The following PCDHA6 variants were observed in gnomAD, a reference collection of about 807,000 sequenced individuals.
The protein encoded by PCDHA6 is protocadherin alpha 6, also known as protocadherin alpha-6.
Under a neutral mutation model 60.3 loss-of-function variants are expected in PCDHA6, and 55 were observed. The ratio of observed to expected loss-of-function variants is 0.91; its 90% CI spans 0.73 to 1.14. The LOEUF is 1.14. PCDHA6 is among the 50% of genes most tolerant of loss of function. The probability of loss-of-function intolerance (pLI) is 0.00; values close to 1 mark genes in which losing one functional copy is unlikely to be tolerated. For synonymous variants in PCDHA6, 652 were observed against 557.9 expected (o/e 1.17, Z -2.38); for missense variants, 1,327 against 1,256.5 (o/e 1.06, Z -0.85).
chr5:140,928,798 G>A lies in PCDHA6; in HGVS notation c.2395-50151G>A, dbSNP rs1015507486. On this transcript the variant is annotated intron_variant, in intron 1 of 3. Transcript: ENST00000529310. ...TGATGCAGTTAAGCAGAGGGTGGTGGTAGTGGTTCGGGACCATGGAGACCC... is the reference window on the plus strand; with the variant it reads ...TGATGCAGTTAAGCAGAGGGTGGTGATAGTGGTTCGGGACCATGGAGACCC... 2.4e-5 allele frequency: 38 copies of A among 1,614,046 alleles called. No homozygotes were observed. Among genetic ancestry groups the A allele is most frequent in the Non-Finnish European group, 3.2e-5 (38 of 1,180,052 alleles).
At chr5:140,920,329 G>A (rs556077448) in intron 1 of PCDHA6, among the ~76,000 whole-genome samples, 8 of 152,080 alleles carry the variant, frequency 5.3e-5, no homozygotes, top group South Asian at 4.2e-4. Flanking sequence ...TATATTTATG[G>A]CATTTCTTAT....
chr5:140,850,370 G>A (rs141414972), intron 1 of PCDHA6: 2 of 1,597,812 alleles, frequency 1.3e-6, no homozygotes, highest in African/African-American at 2.7e-5. Context: ...TCCGCGTGGG[G>A]CTGTACACGG....
rs1554217734 is a variant in PCDHA6, at chr5:140,946,611, AATATATAT to A, written c.2395-32324_2395-32317del. Among the ~76,000 whole-genome samples, 24 of 86,806 alleles carry A rather than the reference AATATATAT, an allele frequency of 2.8e-4. 1 individual carries two copies. Among genetic ancestry groups the A allele is most frequent in the African/African-American group, 1.5e-3 (23 of 15,698 alleles). 56.9% of individuals were successfully genotyped at this position (86,806 alleles called of 152,430 possible). On this transcript the variant is annotated intron_variant, in intron 1 of 3. Coordinates refer to ENST00000529310, the MANE Select transcript of PCDHA6 (RefSeq NM_018909.4). ...GGATGAATAGATAAAGAAAATGTGA[AATATATAT>A]ATATATATATATACAATGGAATACT... is the stretch of plus-strand genomic sequence containing the variant.
At chr5:140,901,927 A>C (rs2068986448) in intron 1 of PCDHA6, among the ~76,000 whole-genome samples, 1 of 151,764 alleles carries the variant, frequency 6.6e-6, no homozygotes. Context: ...TCTTTGGTTA[A>C]TTCCTAGGTA....
Position 140,915,626 on chromosome 5 carries a change from G to GTCTCTCTC in PCDHA6, c.2395-63300_2395-63293dup, listed in dbSNP as rs57920489. Among the ~76,000 whole-genome samples the GTCTCTCTC allele has an allele frequency of 4.4e-3, 648 of 146,532 alleles. 6 individuals carry two copies. Among genetic ancestry groups the GTCTCTCTC allele is most frequent in the East Asian group, 0.011 (51 of 4,846 alleles). Reference sequence around the variant, plus strand: ...ACTTTCTGTCAAACAGTCTCTTTCTGTCTCTCTCTCTCTCTCTCTCTCTCT... The same window carrying GTCTCTCTC: ...ACTTTCTGTCAAACAGTCTCTTTCTGTCTCTCTCTCTCTCTCTCTCTCTCTCTCTCTCT... On this transcript the variant is annotated intron_variant, in intron 1 of 3. Transcript: ENST00000529310.
rs2150336569 is a variant in PCDHA6 at position 140,842,461 on chromosome 5, T to C, written c.2394+11976T>C. 48 of 1,613,688 alleles carry C rather than the reference T, an allele frequency of 3.0e-5. 1 individual carries two copies. Among genetic ancestry groups the C allele is most frequent in the Middle Eastern group, 3.3e-4 (2 of 6,082 alleles). On this transcript the variant is annotated intron_variant, in intron 1 of 3. Coordinates refer to ENST00000529310, the MANE Select transcript of PCDHA6 (RefSeq NM_018909.4). ...TTAGCGTGAACGACCTCGATTCAGG[T>C]GCCAACGGGCAGGTGACCTGCTCCC...
chr5:140,928,921 C>A (rs782289381), intron 1 of PCDHA6: 1 of 1,614,116 alleles, frequency 6.2e-7, no homozygotes, highest in Non-Finnish European at 8.5e-7. Flanking sequence ...AGGAGGGCAG[C>A]TTTCTGCCCA....
chr5:140,870,944 CG>C, intron 1 of PCDHA6: 1 of 1,613,658 alleles, frequency 6.2e-7, no homozygotes, highest in Non-Finnish European at 8.5e-7. Flanking sequence ...CAGCCGGCGG[CG>C]GGCGGCTCGC....
chr5:140,886,373 G>A (rs2060960480), intron 1 of PCDHA6, among the ~76,000 whole-genome samples: 2 of 152,042 alleles, frequency 1.3e-5, no homozygotes. Context: ...ACATGCCATG[G>A]TGTGCTTATC....
At chr5:140,855,950 C>T in intron 1 of PCDHA6, 1 of 1,363,920 alleles carries the variant, frequency 7.3e-7, no homozygotes, top group Non-Finnish European at 1.0e-6. Flanking sequence ...TCAGCCATTT[C>T]GATAAAAAAT....
intron 3 of PCDHA6, among the ~76,000 whole-genome samples, chr5:140,986,404 G>GT (rs2097199196): frequency 6.6e-6 from 1 of 152,190 alleles, no homozygotes; most frequent in Non-Finnish European, 1.5e-5. Context: ...AGTCGCTCAT[G>GT]TTACAGCTCT....
At chr5:140,884,063 G>T in intron 1 of PCDHA6, 1 of 1,613,496 alleles carries the variant, frequency 6.2e-7, no homozygotes, top group Non-Finnish European at 8.5e-7. Context: ...CGCGGTGGAC[G>T]CCGATTCGGG....
intron 1 of PCDHA6, among the ~76,000 whole-genome samples, chr5:140,889,411 T>A (rs1262087176): frequency 6.6e-6 from 1 of 152,020 alleles, no homozygotes; most frequent in Non-Finnish European, 1.5e-5. Flanking sequence ...CTCGAGTCAG[T>A]TACGTAGATA....
At chr5:140,916,613 A>T (rs2077649645) in intron 1 of PCDHA6, among the ~76,000 whole-genome samples, 1 of 151,990 alleles carries the variant, frequency 6.6e-6, no homozygotes, top group Non-Finnish European at 1.5e-5. Flanking sequence ...GGGCCTCATG[A>T]CTCTACTCAA....
At chr5:140,960,748 A>C (rs1408249489) in intron 1 of PCDHA6, among the ~76,000 whole-genome samples, 1 of 152,008 alleles carries the variant, frequency 6.6e-6, no homozygotes, top group Non-Finnish European at 1.5e-5. Flanking sequence ...TCCATGGCTA[A>C]AATCCCAAGA....
At position 140,882,079 on chromosome 5, in the gene PCDHA6, G is replaced by C. The variant is rs2058940272; in HGVS notation, c.2394+51594G>C. 3.1e-6 allele frequency: 3 copies of C among 952,854 alleles called. No homozygotes were observed. In the East Asian group the frequency reaches 7.8e-5, roughly 25 times the overall value. The allele number at this position is 952,854 out of a possible 1,614,324, so 59.0% of individuals were successfully genotyped here. A position where few individuals can be genotyped will look rare whatever the true frequency, so the allele number is the denominator to read the frequency against. On this transcript the variant is annotated intron_variant, in intron 1 of 3. Transcript: ENST00000529310. ...CTTACACGTTCATGCGCATGGTGTCGCTCTTCACTGAGAACGTTTCCGCGA... is the reference window on the plus strand; with the variant it reads ...CTTACACGTTCATGCGCATGGTGTCCCTCTTCACTGAGAACGTTTCCGCGA...
chr5:140,929,436 C>T, intron 1 of PCDHA6: 1 of 1,470,330 alleles, frequency 6.8e-7, no homozygotes, highest in Non-Finnish European at 9.1e-7. Context: ...TTGAACTAAA[C>T]ACTCCTTCTT....
chr5:140,926,806 C>T, intron 1 of PCDHA6: 1 of 1,456,722 alleles, frequency 6.9e-7, no homozygotes, highest in Non-Finnish European at 9.0e-7. Flanking sequence ...CTCTTCCCCG[C>T]GGCTCGTGCT....
At chr5:140,841,928 G>C in intron 1 of PCDHA6, 1 of 1,613,910 alleles carries the variant, frequency 6.2e-7, no homozygotes, top group Non-Finnish European at 8.5e-7. Context: ...CTTGGACAGA[G>C]AGGACGCTCC....
Sources: gnomAD v4.1 joint callset for allele counts (sites outside exome capture counted in the v4.1 genomes callset) on GRCh38, gnomAD v4.1.1 for gene constraint, MANE v1.5 for transcripts, NCBI Gene and HGNC (gene_info 2026-07-23, HGNC 2026-07-21) for gene names.